Variants in SMYD3 observed in about 807,000 individuals in gnomAD.
The protein encoded by SMYD3 is SET and MYND domain containing 3.
SMYD3 carries 36 observed loss-of-function variants against 57.7 expected under a neutral mutation model. That is an observed-to-expected ratio of 0.62 (90% CI 0.48 to 0.82). SMYD3 has a LOEUF of 0.82. Ranked by LOEUF, SMYD3 falls within the 40% of genes least tolerant of loss-of-function variation. The pLI, the probability that SMYD3 is intolerant of heterozygous loss-of-function variation, is 0.00. For synonymous variants in SMYD3, 211 were observed against 195.0 expected, an observed-to-expected ratio of 1.08 and a Z score of -0.68; for missense variants, 515 against 538.8, an observed-to-expected ratio of 0.96 and a Z score of 0.44.
chr1:246,319,940 T>C (rs2065219588), intron 5 of SMYD3, among the ~76,000 whole-genome samples: 1 of 152,168 alleles, frequency 6.6e-6, no homozygotes, highest in Non-Finnish European at 1.5e-5. Context: ...ATGAGGGAGG[T>C]TATAGCAGAA....
intron 5 of SMYD3, among the ~76,000 whole-genome samples, chr1:246,200,216 C>T (rs12691528): frequency 0.081 from 354 of 4,344 alleles, 3 homozygotes; most frequent in South Asian, 0.14. Flanking sequence ...ACAGTGTAGA[C>T]GCTGAGCAAG....
At position 246,202,493 on chromosome 1, in the gene SMYD3, A is replaced by G. The variant is rs1260697552; in HGVS notation, c.531+124708T>C. ...GCCTGCAAGAATTCAGCTGGAACCGAGTCAACTCCTTCCCCCTTTCCTCAG... is the reference window on the plus strand; with the variant it reads ...GCCTGCAAGAATTCAGCTGGAACCGGGTCAACTCCTTCCCCCTTTCCTCAG... On this transcript the variant is annotated intron_variant, in intron 5 of 11. Transcript: ENST00000490107. This position sits in a 1 kb window ranked among gnomAD's most constrained non-coding sequence, Gnocchi z 4.1. Among the ~76,000 whole-genome samples, 2 of 152,158 alleles carry G rather than the reference A, an allele frequency of 1.3e-5. No individual in the cohort carries two copies. The highest frequency in any genetic ancestry group is 4.8e-5 in the African/African-American group (2 of 41,458).
At chr1:245,971,020 C>T (rs111949060) in intron 5 of SMYD3, among the ~76,000 whole-genome samples, 3,589 of 152,276 alleles carry the variant, frequency 0.024, 129 homozygotes, top group African/African-American at 0.076. Context: ...CGGCACTATT[C>T]ACAATAGCAA....
intron 1 of SMYD3, among the ~76,000 whole-genome samples, chr1:246,432,406 G>A (rs2067310211): frequency 6.6e-6 from 1 of 152,212 alleles, no homozygotes; most frequent in Non-Finnish European, 1.5e-5. Flanking sequence ...TAAAGGAGGT[G>A]GAGAGGTGGT....
chr1:246,425,699 T>C (rs1035601916), intron 1 of SMYD3, among the ~76,000 whole-genome samples: 2 of 152,210 alleles, frequency 1.3e-5, no homozygotes, highest in African/African-American at 4.8e-5. Context: ...TAGCATACCC[T>C]GTAGTGGCTT....
intron 5 of SMYD3, among the ~76,000 whole-genome samples, chr1:246,254,365 T>C (rs1780819): frequency 0.27 from 40,586 of 152,094 alleles, 6,111 homozygotes; most frequent in East Asian, 0.58. Flanking sequence ...GGCTGGCAAG[T>C]TGCCCCAGCA....
chr1:246,227,472 G>A (rs891656282), intron 5 of SMYD3, among the ~76,000 whole-genome samples: 3 of 152,192 alleles, frequency 2.0e-5, no homozygotes, highest in South Asian at 2.1e-4. Context: ...AAAATTAACC[G>A]GGTGTGGTGG....
At position 246,091,078 on chromosome 1, in the gene SMYD3, C is replaced by T. The variant is rs76942849; in HGVS notation, c.532-161141G>A. Among the ~76,000 whole-genome samples, 708 of 152,232 alleles carry T rather than the reference C, an allele frequency of 4.7e-3. 1 individual carries two copies. Among genetic ancestry groups the T allele is most frequent in the African/African-American group, 0.016 (683 of 41,534 alleles). On this transcript the variant is annotated intron_variant, in intron 5 of 11. Transcript: ENST00000490107. ...CCATATCAAATCAGTAACAGGCATC[C>T]GTCAGCCAGTTAGAAACGCGGTTAG...
chr1:246,149,633 T>G (rs1195604988), intron 5 of SMYD3, among the ~76,000 whole-genome samples: 1 of 152,236 alleles, frequency 6.6e-6, no homozygotes, highest in African/African-American at 2.4e-5. Flanking sequence ...CCGGAAGCAT[T>G]ATTGAGATGA....
chr1:245,930,612 T>C (rs2056656081), intron 5 of SMYD3: 1 of 157,472 alleles, frequency 6.4e-6, no homozygotes. Context: ...ATAAGGTTGA[T>C]GTATGAGGTC....
chr1:246,507,145 G>T lies in SMYD3; in HGVS notation c.73C>A (p.Arg25Ser). The change falls in exon 1 of 12, where the codon CGC becomes AGC. Residue 25 changes from arginine (R) to serine (S), a missense_variant. Coordinates refer to ENST00000490107, the MANE Select transcript of SMYD3 (RefSeq NM_001167740.2). ...GAGCGGAAGAGTAGCTCTCCGGGGC[G>T]CAGCGGGGTCACGGCGCGCAGCCCG... ...GNGLRAVTPL[R>S]PGELLFRSDP... 6.5e-7 allele frequency: 1 copy of T among 1,533,452 alleles called. No individual in the cohort carries two copies. Among genetic ancestry groups the T allele is most frequent in the East Asian group, 2.6e-5 (1 of 38,524 alleles). The allele number at this position is 1,533,452 out of a possible 1,614,324, so 95.0% of individuals were successfully genotyped here.
intron 5 of SMYD3, among the ~76,000 whole-genome samples, chr1:246,013,571 T>G (rs1329196729): frequency 6.6e-6 from 1 of 152,226 alleles, no homozygotes; most frequent in Non-Finnish European, 1.5e-5. Flanking sequence ...TATTTAATTT[T>G]GAATCTGTGG....
At position 245,962,376 on chromosome 1, in the gene SMYD3, A is replaced by G. The variant is rs192624909; in HGVS notation, c.532-32439T>C. Among the ~76,000 whole-genome samples the G allele has an allele frequency of 9.3e-4, 141 of 152,282 alleles. 2 individuals are homozygous for G. Among genetic ancestry groups the G allele is most frequent in the South Asian group, 4.4e-3 (21 of 4,824 alleles). On this transcript the variant is annotated intron_variant, in intron 5 of 11. Transcript: ENST00000490107. ...TATTAGAGGATCCTGATGTTGTCAG[A>G]AGTGTAGTTTTGCGGATGTTGATCC...
intron 5 of SMYD3, among the ~76,000 whole-genome samples, chr1:246,064,934 T>C (rs989688904): frequency 1.3e-5 from 2 of 152,250 alleles, no homozygotes; most frequent in African/African-American, 4.8e-5. Context: ...TGTATACTAA[T>C]TACACTTTTG....
At chr1:245,899,400 C>G (rs34861340) in intron 8 of SMYD3, among the ~76,000 whole-genome samples, 12,178 of 152,236 alleles carry the variant, frequency 0.08, 625 homozygotes, top group South Asian at 0.15. Flanking sequence ...ATACTCTACT[C>G]TCTTCCACTA....
chr1:245,935,976 T>C (rs1475127356), intron 5 of SMYD3, among the ~76,000 whole-genome samples: 1 of 152,164 alleles, frequency 6.6e-6, no homozygotes, highest in Admixed American at 6.5e-5. Flanking sequence ...GCATGATGAC[T>C]ACAGTTAATA....
intron 1 of SMYD3, among the ~76,000 whole-genome samples, chr1:246,409,272 T>C (rs1179790598): frequency 1.3e-5 from 2 of 152,238 alleles, no homozygotes; most frequent in Non-Finnish European, 2.9e-5. Flanking sequence ...CTGAATGGTA[T>C]TGCCTAGGTT....
chr1:246,021,877 A>T (rs543390739), intron 5 of SMYD3, among the ~76,000 whole-genome samples: 1 of 152,218 alleles, frequency 6.6e-6, no homozygotes, highest in Admixed American at 6.5e-5. Context: ...TCAGCAGCTC[A>T]CTTCGTGGGT....
intron 5 of SMYD3, among the ~76,000 whole-genome samples, chr1:246,313,394 C>T (rs2065109269): frequency 6.6e-6 from 1 of 152,142 alleles, no homozygotes; most frequent in Non-Finnish European, 1.5e-5. Flanking sequence ...AGGACACCAA[C>T]CAGCAAGTCA....
Sources: allele counts gnomAD v4.1 joint callset (sites outside exome capture counted in the v4.1 genomes callset), GRCh38; gene constraint gnomAD v4.1.1; non-coding constraint Gnocchi (gnomAD v3.1); transcripts MANE v1.5; gene names NCBI Gene and HGNC (gene_info 2026-07-23, HGNC 2026-07-21).